The following PTCHD1 variants were observed in gnomAD, a reference collection of about 807,000 sequenced individuals.
PTCHD1 encodes patched domain containing 1, also known as patched domain-containing protein 1.
A neutral mutation model predicts 34.6 loss-of-function variants in PTCHD1; 3 were observed. The ratio of observed to expected loss-of-function variants is 0.09; its 90% CI spans 0.04 to 0.22. PTCHD1 has a LOEUF of 0.22. Ranked by LOEUF, PTCHD1 falls within the 10% of genes least tolerant of loss-of-function variation. The pLI is 1.00. For missense variants in PTCHD1, 504 were observed against 685.5 expected, an observed-to-expected ratio of 0.74 and a Z score of 2.96; for synonymous variants, 305 against 283.1, an observed-to-expected ratio of 1.08 and a Z score of -0.77.
intron 1 of PTCHD1, among the ~76,000 whole-genome samples, chrX:23,361,669 T>C (rs143044446): frequency 2.1e-3 from 234 of 112,185 alleles, no homozygotes; most frequent in African/African-American, 7.3e-3. Context: ...AATATTGTTA[T>C]GTGTGAATTT....
At position 23,400,055 on chromosome X, in the gene PTCHD1, A is replaced by G. The variant is rs1206195827; in HGVS notation, c.*5870A>G. On this transcript the variant is annotated 3_prime_UTR_variant, in exon 3 of 3. Coordinates refer to ENST00000379361, the MANE Select transcript of PTCHD1 (RefSeq NM_173495.3). Reference sequence around the variant, plus strand: ...AAATGAGCCCTACTCTGAGATGTCTACACCAGGCATGCTTTCACACACGTG... The same window carrying G: ...AAATGAGCCCTACTCTGAGATGTCTGCACCAGGCATGCTTTCACACACGTG... 1 of 110,037 alleles carries G rather than the reference A, an allele frequency of 9.1e-6. No homozygotes were observed. Among genetic ancestry groups the G allele is most frequent in the African/African-American group, 3.3e-5 (1 of 30,120 alleles). 9.1% of individuals were successfully genotyped at this position (110,037 alleles called of 1,213,427 possible). A position where few individuals can be genotyped will look rare whatever the true frequency, so the allele number is the denominator to read the frequency against.
chrX:23,342,302 ATATATATATTTTTTTTTT>A lies in PTCHD1; in HGVS notation c.351+7078_351+7095del, dbSNP rs1921352726. 3.0e-4 allele frequency among the ~76,000 whole-genome samples: 3 copies of A among 10,018 alleles called. No individual in the cohort carries two copies. The African/African-American group carries it at 5.1e-3, about 17-fold the overall frequency. 8.7% of individuals were successfully genotyped at this position (10,018 alleles called of 115,157 possible). On this transcript the variant is annotated intron_variant, in intron 1 of 2. Coordinates refer to ENST00000379361, the MANE Select transcript of PTCHD1 (RefSeq NM_173495.3). ...TATATATATATATATATATATATATATATATATATTTTTTTTTTTTTTTTTTTTTTAAAAGAATTGGGT... is the reference window on the plus strand; with the variant it reads ...TATATATATATATATATATATATATATTTTTTTTTTTTAAAAGAATTGGGT...
In PTCHD1 at chrX:23,379,746, C is replaced by G; in HGVS notation, c.507C>G (p.Thr169=). The change falls in exon 2 of 3, where the codon ACC becomes ACG. Residue 169 remains threonine (T), a synonymous_variant. Transcript: ENST00000379361. ...AGAATGCTCGGGCCACCAATCGGAC[C>G]AATTTTGCTATCACATACCCAATCA... ...ELKNARATNR[T]NFAITYPITH... is the part of the protein sequence containing the mutation. 2.5e-6 allele frequency: 3 copies of G among 1,211,378 alleles called. No homozygotes were observed. Among genetic ancestry groups the G allele is most frequent in the Non-Finnish European group, 3.4e-6 (3 of 895,446 alleles).
Position 23,365,266 on chromosome X carries a change from G to A in PTCHD1, c.352-14325G>A, listed in dbSNP as rs867828549. ...CAAGATCCTAGCTTTATTCCCTAAC[G>A]GTTGAGTGTTGTGTGTTCAAATATG... On this transcript the variant is annotated intron_variant, in intron 1 of 2. Transcript: ENST00000379361. 8.9e-5 allele frequency among the ~76,000 whole-genome samples: 10 copies of A among 112,012 alleles called. No homozygotes were observed. In the East Asian group the frequency reaches 1.1e-3, roughly 13 times the overall value.
chrX:23,370,012 C>T (rs1204062990), intron 1 of PTCHD1, among the ~76,000 whole-genome samples: 2 of 112,361 alleles, frequency 1.8e-5, no homozygotes, highest in Non-Finnish European at 1.9e-5. Context: ...TTGAAGTAGA[C>T]AAGACACAAC....
chrX:23,353,450 G>A (rs1921703222), intron 1 of PTCHD1, among the ~76,000 whole-genome samples: 1 of 112,664 alleles, frequency 8.9e-6, no homozygotes, highest in Non-Finnish European at 1.9e-5. Context: ...TTAGCCGGGT[G>A]TGGTGGTGCA....
chrX:23,369,762 C>T (rs1048942109), intron 1 of PTCHD1, among the ~76,000 whole-genome samples: 2 of 111,584 alleles, frequency 1.8e-5, no homozygotes, highest in African/African-American at 3.3e-5. Context: ...AGAGAGCTAA[C>T]CTGCAGATGA....
At chrX:23,342,313 T>C (rs1374565033) in intron 1 of PTCHD1, among the ~76,000 whole-genome samples, 1 of 18,307 alleles carries the variant, frequency 5.5e-5, no homozygotes, top group South Asian at 6.3e-3. Context: ...TATATATATT[T>C]TTTTTTTTTT....
At chrX:23,372,806 A>G (rs1331322087) in intron 1 of PTCHD1, among the ~76,000 whole-genome samples, 1 of 112,044 alleles carries the variant, frequency 8.9e-6, no homozygotes, top group Non-Finnish European at 1.9e-5. Flanking sequence ...CTCTTCACCC[A>G]CAAGCTAGCT....
In PTCHD1 at chrX:23,359,555, C is replaced by T. The variant is rs141831482; in HGVS notation, c.352-20036C>T. On this transcript the variant is annotated intron_variant, in intron 1 of 2. Coordinates refer to ENST00000379361, the MANE Select transcript of PTCHD1 (RefSeq NM_173495.3). Reference sequence around the variant, plus strand: ...AGCTTAAGGAGATTTTGGGCTGAGACGATGGGATTTTATAAATATACAACC... The same window carrying T: ...AGCTTAAGGAGATTTTGGGCTGAGATGATGGGATTTTATAAATATACAACC... Among the ~76,000 whole-genome samples, 92 of 112,003 alleles carry T rather than the reference C, an allele frequency of 8.2e-4. No individual in the cohort carries two copies. The East Asian group carries it at 0.017, about 21-fold the overall frequency.
At chrX:23,388,057 C>CGTGTG (rs1922729094) in intron 2 of PTCHD1, among the ~76,000 whole-genome samples, 1 of 110,927 alleles carries the variant, frequency 9.0e-6, no homozygotes, top group East Asian at 2.8e-4. Context: ...GATATCCTCA[C>CGTGTG]TGTGATATAT....
rs994990654 is a variant in PTCHD1, at chrX:23,403,550, C to T, written c.*9365C>T. The stretch of plus-strand genomic sequence containing the variant: ...CACAAAGAGCTGTAATACTTTGCAG[C>T]AAGGGGCATTAATAAACTCTAATTT... On this transcript the variant is annotated 3_prime_UTR_variant, in exon 3 of 3. Coordinates refer to ENST00000379361, the MANE Select transcript of PTCHD1 (RefSeq NM_173495.3). The T allele has an allele frequency of 9.0e-5, 10 of 111,657 alleles. No individual in the cohort carries two copies. The highest frequency in any genetic ancestry group is 3.3e-4 in the African/African-American group (10 of 30,699). The allele number at this position is 111,657 out of a possible 1,213,427, so 9.2% of individuals were successfully genotyped here. A position where few individuals can be genotyped will look rare whatever the true frequency, so the allele number is the denominator to read the frequency against.
At chrX:23,358,309 C>A (rs1260162046) in intron 1 of PTCHD1, among the ~76,000 whole-genome samples, 1 of 112,199 alleles carries the variant, frequency 8.9e-6, no homozygotes, top group Non-Finnish European at 1.9e-5. Context: ...TCCACATCCT[C>A]TCCAGCACCT....
At chrX:23,361,297 G>T (rs1921975683) in intron 1 of PTCHD1, among the ~76,000 whole-genome samples, 1 of 111,561 alleles carries the variant, frequency 9.0e-6, no homozygotes, top group African/African-American at 3.3e-5. Context: ...TCTCTTTGTA[G>T]GTCTCTAAGC....
At chrX:23,364,164 T>C (rs988334975) in intron 1 of PTCHD1, among the ~76,000 whole-genome samples, 1 of 110,925 alleles carries the variant, frequency 9.0e-6, no homozygotes, top group Non-Finnish European at 1.9e-5. Context: ...CTAGCTGAAG[T>C]TGATAGAGTC....
At chrX:23,350,295 G>T (rs1432694008) in intron 1 of PTCHD1, among the ~76,000 whole-genome samples, 1 of 110,840 alleles carries the variant, frequency 9.0e-6, no homozygotes, top group Non-Finnish European at 1.9e-5. Flanking sequence ...AACATCCCAA[G>T]AATCTAATGT....
intron 1 of PTCHD1, among the ~76,000 whole-genome samples, chrX:23,375,376 G>C (rs1212356996): frequency 6.8e-5 from 7 of 103,650 alleles, no homozygotes. Flanking sequence ...TGCAAGCTCC[G>C]CCTTCCGGGT....
chrX:23,338,826 T>TATCCC (rs1436841698), intron 1 of PTCHD1, among the ~76,000 whole-genome samples: 1 of 112,297 alleles, frequency 8.9e-6, no homozygotes, highest in African/African-American at 3.2e-5. Context: ...CAAAGTTTTA[T>TATCCC]ATCCCATCCC....
chrX:23,390,350 A>C (rs1265974828), intron 2 of PTCHD1, among the ~76,000 whole-genome samples: 1 of 110,722 alleles, frequency 9.0e-6, no homozygotes, highest in Non-Finnish European at 1.9e-5. Context: ...AAAAAACAAA[A>C]AAAACAATAT....
Sources: allele counts gnomAD v4.1 joint callset (sites outside exome capture counted in the v4.1 genomes callset), GRCh38; gene constraint gnomAD v4.1.1; transcripts MANE v1.5; gene names NCBI Gene and HGNC (gene_info 2026-07-23, HGNC 2026-07-21).